Variants in LCORL observed in about 807,000 individuals in gnomAD.
LCORL encodes the protein ligand-dependent nuclear receptor corepressor-like protein.
In LCORL, 41 loss-of-function variants were observed where a neutral mutation model predicts 141.8. The ratio of observed to expected loss-of-function variants is 0.29; its 90% CI spans 0.23 to 0.38. The LOEUF (loss-of-function observed/expected upper bound fraction) is 0.38. Among genes scored for constraint, LCORL ranks in the 10% least tolerant of loss-of-function variants. LCORL has a pLI of 1.00. For missense variants in LCORL, 1,759 were observed against 2,035.0 expected (o/e 0.86, Z 2.61); for synonymous variants, 618 against 694.1 (o/e 0.89, Z 1.72).
chr4:17,845,649 A>G, exon 8 of LCORL: 1 of 1,058,168 alleles, frequency 9.5e-7, no homozygotes, highest in East Asian at 2.5e-5. Context: ...CTTCAAGATC[A>G]ATTGATAAAT....
intron 2 of LCORL, among the ~76,000 whole-genome samples, chr4:17,971,314 T>C (rs1715882274): frequency 6.6e-6 from 1 of 152,022 alleles, no homozygotes; most frequent in Non-Finnish European, 1.5e-5. Flanking sequence ...ATATACAGTA[T>C]ATATACACTG....
intron 4 of LCORL, among the ~76,000 whole-genome samples, chr4:17,922,584 T>A (rs1319849196): frequency 6.6e-6 from 1 of 152,168 alleles, no homozygotes; most frequent in Non-Finnish European, 1.5e-5. Context: ...TCTTCTAAGA[T>A]TGCCCTGAGT....
chr4:17,987,993 G>C (rs1265031426), intron 1 of LCORL, among the ~76,000 whole-genome samples: 1 of 152,166 alleles, frequency 6.6e-6, no homozygotes, highest in Non-Finnish European at 1.5e-5. Context: ...ATCTCATCTT[G>C]TAGCTCCCAT....
chr4:17,950,870 A>G (rs538544349), intron 4 of LCORL, among the ~76,000 whole-genome samples: 2 of 152,292 alleles, frequency 1.3e-5, no homozygotes, highest in East Asian at 3.9e-4. Context: ...ACAGGAGAAG[A>G]CTCACCACAT....
chr4:17,965,106 GTT>G (rs1714618087), intron 2 of LCORL, among the ~76,000 whole-genome samples: 1 of 152,048 alleles, frequency 6.6e-6, no homozygotes, highest in Non-Finnish European at 1.5e-5. Context: ...TCAAGAAAAT[GTT>G]AATTACAACA....
chr4:17,930,120 A>G (rs1735769794), intron 4 of LCORL, among the ~76,000 whole-genome samples: 1 of 152,214 alleles, frequency 6.6e-6, no homozygotes, highest in East Asian at 1.9e-4. Context: ...ATTGTGGAGG[A>G]TGTGGAAAAA....
intron 1 of LCORL, among the ~76,000 whole-genome samples, chr4:17,995,954 C>T (rs1720861262): frequency 6.6e-6 from 1 of 152,042 alleles, no homozygotes; most frequent in Non-Finnish European, 1.5e-5. Flanking sequence ...GGAATATTAT[C>T]AACACCTCAT....
At chr4:17,939,559 T>C (rs1737494732) in intron 4 of LCORL, among the ~76,000 whole-genome samples, 1 of 152,146 alleles carries the variant, frequency 6.6e-6, no homozygotes, top group Non-Finnish European at 1.5e-5. Context: ...CTATTTATTA[T>C]AACTCCTTTC....
Position 17,884,307 on chromosome 4 carries a change from G to A in LCORL, c.776+1761C>T, listed in dbSNP as rs1030162874. 6.5e-7 allele frequency: 1 copy of A among 1,548,960 alleles called. No homozygotes were observed. The highest frequency in any genetic ancestry group is 2.0e-5 in the Admixed American group (1 of 50,406). ...TGAGGAATTTTTAACTGTACAGTAG[G>A]ATTTGAAGTTTCATATTGGAGGCTT... is the stretch of plus-strand genomic sequence containing the variant. On this transcript the variant is annotated intron_variant, in intron 6 of 7. Coordinates refer to ENST00000635767, the Ensembl canonical transcript of LCORL. The surrounding 1 kb of genome is among the most constrained non-coding windows in gnomAD (Gnocchi z 4.4).
intron 5 of LCORL, among the ~76,000 whole-genome samples, chr4:17,907,268 T>C (rs946056130): frequency 6.6e-6 from 1 of 152,106 alleles, no homozygotes; most frequent in Non-Finnish European, 1.5e-5. Context: ...GAACGGGGGG[T>C]AGACAGTGCG....
intron 1 of LCORL, among the ~76,000 whole-genome samples, chr4:17,984,746 T>G (rs1030383017): frequency 6.6e-6 from 1 of 152,190 alleles, no homozygotes; most frequent in Admixed American, 6.5e-5. Flanking sequence ...TGGTTTTTCT[T>G]GTCTCAATCT....
intron 5 of LCORL, among the ~76,000 whole-genome samples, chr4:17,901,907 T>C (rs1414833123): frequency 6.6e-6 from 1 of 151,880 alleles, no homozygotes; most frequent in African/African-American, 2.4e-5. Context: ...CCAAACTAAA[T>C]ATGAGTAAGA....
chr4:17,982,577 T>A (rs371945469), intron 1 of LCORL, among the ~76,000 whole-genome samples: 16 of 152,370 alleles, frequency 1.1e-4, no homozygotes, highest in African/African-American at 3.8e-4. Flanking sequence ...CACCTTCTTT[T>A]GAAAAGTGTC....
intron 4 of LCORL, among the ~76,000 whole-genome samples, chr4:17,954,779 A>C (rs1174775142): frequency 3.9e-5 from 6 of 152,184 alleles, no homozygotes; most frequent in African/African-American, 1.2e-4. Flanking sequence ...AAACCAAAGA[A>C]GGCTCCTGGC....
exon 7 of LCORL, chr4:17,877,143 T>C: frequency 2.4e-6 from 3 of 1,230,694 alleles, no homozygotes; most frequent in Non-Finnish European, 1.0e-6. Context: ...ATCAGAGGAG[T>C]TGCGCATTGC....
At chr4:17,914,742 T>C (rs1196571519) in intron 4 of LCORL, among the ~76,000 whole-genome samples, 5 of 152,230 alleles carry the variant, frequency 3.3e-5, no homozygotes, top group African/African-American at 1.2e-4. Flanking sequence ...TAGAAGAATG[T>C]TGCCACCCGG....
intron 1 of LCORL, among the ~76,000 whole-genome samples, chr4:17,990,967 C>T (rs1453221234): frequency 6.6e-6 from 1 of 151,866 alleles, no homozygotes; most frequent in Non-Finnish European, 1.5e-5. Context: ...ACAGAGTACA[C>T]ACAGAAAAAC....
intron 4 of LCORL, among the ~76,000 whole-genome samples, chr4:17,937,809 G>C (rs991248182): frequency 9.2e-5 from 14 of 152,130 alleles, no homozygotes; most frequent in African/African-American, 3.4e-4. Context: ...AGGAACTAAA[G>C]GGCAATACAA....
rs914518976 is a variant in LCORL at position 17,962,159 on chromosome 4, T to G, written c.301-127A>C. ...TTCTGCTCTTTAAATTGTATCAAAT[T>G]AGATAGAGGGAACATAAAATTCAGA... On this transcript the variant is annotated intron_variant, in intron 3 of 7. Transcript: ENST00000635767. 2.4e-4 allele frequency: 119 copies of G among 487,742 alleles called. 1 individual carries two copies. In the East Asian group the frequency reaches 4.0e-3, roughly 16 times the overall value. 30.2% of individuals were successfully genotyped at this position (487,742 alleles called of 1,614,324 possible).
Sources: allele counts gnomAD v4.1 joint callset (sites outside exome capture counted in the v4.1 genomes callset), GRCh38; gene constraint gnomAD v4.1.1; non-coding constraint Gnocchi (gnomAD v3.1); transcripts MANE v1.5; gene names NCBI Gene and HGNC (gene_info 2026-07-23, HGNC 2026-07-21).